GPC5: variants seen among roughly 807,000 people sequenced by gnomAD.
The protein encoded by GPC5 is glypican 5.
In GPC5, 47 loss-of-function variants were observed where a neutral mutation model predicts 53.9. The ratio of observed to expected loss-of-function variants is 0.87; its 90% CI spans 0.69 to 1.11. GPC5 has a LOEUF of 1.11. Ranked by LOEUF, GPC5 falls within the 50% of genes most tolerant of loss-of-function variation. The pLI, the probability that GPC5 is intolerant of heterozygous loss-of-function variation, is 0.00. For missense variants in GPC5, 748 were observed against 713.1 expected, an observed-to-expected ratio of 1.05 and a Z score of -0.56; for synonymous variants, 286 against 263.3, an observed-to-expected ratio of 1.09 and a Z score of -0.84.
At chr13:91,486,790 C>T (rs1883631485) in intron 2 of GPC5, 1 of 152,116 alleles carries the variant, frequency 6.6e-6, no homozygotes, top group African/African-American at 2.4e-5. Context: ...AACGTGACAC[C>T]AATTCTTGGA....
chr13:91,885,502 G>A (rs1490239631), intron 5 of GPC5, among the ~76,000 whole-genome samples: 1 of 152,126 alleles, frequency 6.6e-6, no homozygotes, highest in African/African-American at 2.4e-5. Context: ...TTTGATCATT[G>A]TTTCAGATCT....
At chr13:92,613,250 TTATATA>T (rs1566319876) in intron 7 of GPC5, among the ~76,000 whole-genome samples, 2 of 128,250 alleles carry the variant, frequency 1.6e-5, no homozygotes, top group Non-Finnish European at 1.6e-5. Context: ...TATATATAAT[TTATATA>T]TAATATATAT....
chr13:91,904,534 A>G (rs2039533085), intron 5 of GPC5, among the ~76,000 whole-genome samples: 1 of 151,900 alleles, frequency 6.6e-6, no homozygotes, highest in Non-Finnish European at 1.5e-5. Flanking sequence ...AGCACACTTT[A>G]TGTATATAGT....
At chr13:91,543,314 C>T (rs1313613457) in intron 2 of GPC5, among the ~76,000 whole-genome samples, 3 of 152,070 alleles carry the variant, frequency 2.0e-5, no homozygotes, top group Non-Finnish European at 2.9e-5. Flanking sequence ...ATACTTTACC[C>T]TTGTCTCTGT....
intron 6 of GPC5, among the ~76,000 whole-genome samples, chr13:92,053,796 G>C (rs574827279): frequency 6.6e-6 from 1 of 151,922 alleles, no homozygotes; most frequent in Non-Finnish European, 1.5e-5. Flanking sequence ...TTGGGAGGCC[G>C]AGGTGGGCGG....
intron 7 of GPC5, among the ~76,000 whole-genome samples, chr13:92,388,050 A>G (rs948555034): frequency 6.6e-6 from 1 of 152,112 alleles, no homozygotes. Flanking sequence ...TAAAATTAAA[A>G]TTAACCTTAT....
chr13:91,691,330 G>A (rs754181826), intron 2 of GPC5, among the ~76,000 whole-genome samples: 1 of 152,156 alleles, frequency 6.6e-6, no homozygotes, highest in Middle Eastern at 3.2e-3. Context: ...ACTGAGTTAG[G>A]ATTTCAAATG....
intron 2 of GPC5, among the ~76,000 whole-genome samples, chr13:91,608,651 C>G (rs956720152): frequency 6.6e-6 from 1 of 152,118 alleles, no homozygotes; most frequent in African/African-American, 2.4e-5. Flanking sequence ...ATTGTATCAT[C>G]TTAAATACCT....
At chr13:91,505,446 G>A (rs1884889079) in intron 2 of GPC5, among the ~76,000 whole-genome samples, 1 of 152,134 alleles carries the variant, frequency 6.6e-6, no homozygotes, top group Admixed American at 6.6e-5. Flanking sequence ...CAAAATTTCT[G>A]TAAACCCACA....
chr13:92,053,889 G>A (rs1977397), intron 6 of GPC5, among the ~76,000 whole-genome samples: 79,400 of 151,340 alleles, frequency 0.52, 21,427 homozygotes, highest in East Asian at 0.79. Context: ...AAAATTAGCC[G>A]GTTGTGGTGG....
At chr13:92,001,017 AGT>A (rs2040549154) in intron 6 of GPC5, among the ~76,000 whole-genome samples, 1 of 152,200 alleles carries the variant, frequency 6.6e-6, no homozygotes, top group East Asian at 1.9e-4. Context: ...TTCCTGGCTC[AGT>A]GCCTGCCACA....
chr13:91,441,691 A>G (rs1436683541), intron 1 of GPC5, among the ~76,000 whole-genome samples: 1 of 152,180 alleles, frequency 6.6e-6, no homozygotes, highest in Admixed American at 6.5e-5. Flanking sequence ...TTTATTCTAC[A>G]TAGATGAAAG....
At chr13:92,158,097 A>G (rs1362909357) in intron 7 of GPC5, among the ~76,000 whole-genome samples, 1 of 152,214 alleles carries the variant, frequency 6.6e-6, no homozygotes, top group Non-Finnish European at 1.5e-5. Context: ...ATAGAGGACC[A>G]AAGATAATCA....
chr13:91,796,131 T>G (rs1282073223), intron 5 of GPC5, among the ~76,000 whole-genome samples: 1 of 152,000 alleles, frequency 6.6e-6, no homozygotes, highest in Non-Finnish European at 1.5e-5. Context: ...TCTGGGGCCA[T>G]GTGGTGAGTG....
At chr13:91,769,470 G>A (rs2037582525) in intron 5 of GPC5, among the ~76,000 whole-genome samples, 2 of 152,120 alleles carry the variant, frequency 1.3e-5, no homozygotes, top group African/African-American at 2.4e-5. Flanking sequence ...CATAGAAGTT[G>A]GGTTAAGGGC....
At chr13:92,430,361 C>T (rs1249602693) in intron 7 of GPC5, among the ~76,000 whole-genome samples, 1 of 152,080 alleles carries the variant, frequency 6.6e-6, no homozygotes, top group Non-Finnish European at 1.5e-5. Context: ...ATTTTCAAAA[C>T]AAAATAATGT....
chr13:92,277,318 A>G (rs1298472697), intron 7 of GPC5, among the ~76,000 whole-genome samples: 3 of 152,038 alleles, frequency 2.0e-5, no homozygotes, highest in Admixed American at 6.6e-5. Flanking sequence ...TACATTTTCA[A>G]GTATGTTACA....
intron 2 of GPC5, among the ~76,000 whole-genome samples, chr13:91,592,544 A>G (rs940921068): frequency 1.3e-5 from 2 of 152,126 alleles, no homozygotes; most frequent in Non-Finnish European, 2.9e-5. Flanking sequence ...ACTACAGCCC[A>G]CAAACTTGCG....
chr13:92,191,287 A>G (rs1368084478), intron 7 of GPC5, among the ~76,000 whole-genome samples: 2 of 152,292 alleles, frequency 1.3e-5, no homozygotes, highest in Admixed American at 1.3e-4. Flanking sequence ...CATGTTCAAC[A>G]TCATATGTCT....
Sources: gnomAD v4.1 joint callset for allele counts (sites outside exome capture counted in the v4.1 genomes callset) on GRCh38, gnomAD v4.1.1 for gene constraint, MANE v1.5 for transcripts, NCBI Gene and HGNC (gene_info 2026-07-23, HGNC 2026-07-21) for gene names.